Variants in NMNAT2 observed in about 807,000 individuals in gnomAD.
The protein encoded by NMNAT2 is nicotinamide/nicotinic acid mononucleotide adenylyltransferase 2.
In NMNAT2, 11 loss-of-function variants were observed where a neutral mutation model predicts 41.6. That is an observed-to-expected ratio of 0.26 (90% CI 0.17 to 0.44). NMNAT2 has a LOEUF of 0.44. Among genes scored for constraint, NMNAT2 ranks in the 20% least tolerant of loss-of-function variants. NMNAT2 has a pLI of 1.00. For synonymous variants in NMNAT2, 148 were observed against 151.2 expected, an observed-to-expected ratio of 0.98 and a Z score of 0.16; for missense variants, 288 against 407.7, an observed-to-expected ratio of 0.71 and a Z score of 2.53.
intron 1 of NMNAT2, among the ~76,000 whole-genome samples, chr1:183,409,676 T>C (rs1362154101): frequency 6.6e-6 from 1 of 152,178 alleles, no homozygotes; most frequent in East Asian, 1.9e-4. Flanking sequence ...GGATTAGTGC[T>C]AAAAACAAGT....
At chr1:183,296,435 G>C (rs932734946) in intron 1 of NMNAT2, among the ~76,000 whole-genome samples, 2 of 152,072 alleles carry the variant, frequency 1.3e-5, no homozygotes, top group African/African-American at 4.8e-5. Flanking sequence ...GAATGAATGA[G>C]ACTTTCTGTT....
chr1:183,361,473 CT>C (rs1474913268), intron 1 of NMNAT2, among the ~76,000 whole-genome samples: 1 of 152,174 alleles, frequency 6.6e-6, no homozygotes, highest in Admixed American at 6.5e-5. Context: ...AAGACTAATA[CT>C]GCATGAGTGA....
intron 1 of NMNAT2, among the ~76,000 whole-genome samples, chr1:183,376,322 A>T (rs1174969430): frequency 6.6e-6 from 1 of 152,222 alleles, no homozygotes; most frequent in East Asian, 1.9e-4. Context: ...AGGAGTTTAC[A>T]ACAAAAATAT....
At chr1:183,284,103 C>A in intron 6 of NMNAT2, 64 bp from the exon 7 acceptor site, 1 of 1,411,828 alleles carries the variant, frequency 7.1e-7, no homozygotes, top group South Asian at 1.2e-5. Flanking sequence ...AACACACAGT[C>A]TGCCTGAGGG....
Position 183,353,871 on chromosome 1 carries a change from G to C in NMNAT2, c.86-60078C>G, listed in dbSNP as rs191385099. 2.0e-5 allele frequency among the ~76,000 whole-genome samples: 3 copies of C among 152,050 alleles called. No homozygotes were observed. The East Asian group carries it at 5.8e-4, about 29-fold the overall frequency. On this transcript the variant is annotated intron_variant, in intron 1 of 10. Transcript: ENST00000287713. Reference sequence around the variant, plus strand: ...CCTACTTCTACTTGCTTGAGTGAGAGGCCCCAGTGAGATACCTGGGAGTCA... The same window carrying C: ...CCTACTTCTACTTGCTTGAGTGAGACGCCCCAGTGAGATACCTGGGAGTCA...
At chr1:183,345,612 G>C (rs932489055) in intron 1 of NMNAT2, among the ~76,000 whole-genome samples, 10 of 152,136 alleles carry the variant, frequency 6.6e-5, no homozygotes, top group Non-Finnish European at 1.5e-5. Context: ...CCCCCCAGCA[G>C]GAAGGCCCTT....
At chr1:183,362,640 A>G (rs1191527619) in intron 1 of NMNAT2, among the ~76,000 whole-genome samples, 1 of 152,232 alleles carries the variant, frequency 6.6e-6, no homozygotes, top group African/African-American at 2.4e-5. Context: ...ATTCCAGTAT[A>G]TAGATATAGC....
intron 1 of NMNAT2, among the ~76,000 whole-genome samples, chr1:183,352,780 A>G (rs1663092784): frequency 6.6e-6 from 1 of 152,158 alleles, no homozygotes; most frequent in Non-Finnish European, 1.5e-5. Context: ...TGCACTGTGG[A>G]AAAGGCCTCA....
At chr1:183,334,308 C>A (rs12034392) in intron 1 of NMNAT2, among the ~76,000 whole-genome samples, 12,408 of 152,092 alleles carry the variant, frequency 0.082, 527 homozygotes, top group Admixed American at 0.11. Context: ...CTCAGGAGAT[C>A]CATCCGCCTC....
intron 7 of NMNAT2, among the ~76,000 whole-genome samples, chr1:183,279,896 T>C (rs1661215734): frequency 6.6e-6 from 1 of 152,210 alleles, no homozygotes; most frequent in Non-Finnish European, 1.5e-5. Context: ...CCTTTATCTT[T>C]ACAGCCCCAG....
Position 183,252,594 on chromosome 1 carries a change from C to T in NMNAT2, c.*47G>A, listed in dbSNP as rs765865651. Reference sequence around the variant, plus strand: ...AGAGAGGCAGGAGAGAAACAGGGGGCTGACAAAGATGGAGGGGCCATTGTG... The same window carrying T: ...AGAGAGGCAGGAGAGAAACAGGGGGTTGACAAAGATGGAGGGGCCATTGTG... On this transcript the variant is annotated 3_prime_UTR_variant, in exon 11 of 11. Transcript: ENST00000287713. 4 of 1,274,450 alleles carry T rather than the reference C, an allele frequency of 3.1e-6. No individual in the cohort carries two copies. Among genetic ancestry groups the T allele is most frequent in the Non-Finnish European group, 4.6e-6 (4 of 869,570 alleles). The allele number at this position is 1,274,450 out of a possible 1,614,324, so 78.9% of individuals were successfully genotyped here.
intron 1 of NMNAT2, among the ~76,000 whole-genome samples, chr1:183,317,278 G>A (rs951577494): frequency 6.6e-6 from 1 of 152,148 alleles, no homozygotes; most frequent in African/African-American, 2.4e-5. Context: ...CTGACTGATG[G>A]ATTTTTTCTT....
chr1:183,380,306 C>T (rs1422606853), intron 1 of NMNAT2, among the ~76,000 whole-genome samples: 1 of 152,106 alleles, frequency 6.6e-6, no homozygotes, highest in Admixed American at 6.5e-5. Context: ...CCCTTATTTT[C>T]CTTTATCTCA....
At chr1:183,335,232 G>A (rs2102341349) in intron 1 of NMNAT2, among the ~76,000 whole-genome samples, 1 of 152,276 alleles carries the variant, frequency 6.6e-6, no homozygotes, top group Non-Finnish European at 1.5e-5. Context: ...TCCCGTCTCT[G>A]TTAACAGCAA....
rs183156978 is a variant in NMNAT2 at position 183,353,414 on chromosome 1, C to T, written c.86-59621G>A. Among the ~76,000 whole-genome samples the T allele has an allele frequency of 3.9e-4, 60 of 152,238 alleles. 2 individuals carry two copies. In the East Asian group the frequency reaches 0.011, roughly 27 times the overall value. ...TTCATCCTTCTCCTTTTGATATTTT[C>T]TCAAATCAGAAAAGTTGGAAGGTTT... is the stretch of plus-strand genomic sequence containing the variant. On this transcript the variant is annotated intron_variant, in intron 1 of 10. Coordinates refer to ENST00000287713, the MANE Select transcript of NMNAT2 (RefSeq NM_015039.4).
At chr1:183,263,426 C>A (rs1475326202) in intron 8 of NMNAT2, among the ~76,000 whole-genome samples, 7 of 152,210 alleles carry the variant, frequency 4.6e-5, no homozygotes, top group Non-Finnish European at 1.0e-4. Flanking sequence ...CACTAGGACT[C>A]ACTACTTAGA....
intron 1 of NMNAT2, among the ~76,000 whole-genome samples, chr1:183,362,989 G>A (rs1310062227): frequency 6.6e-6 from 1 of 152,072 alleles, no homozygotes; most frequent in Non-Finnish European, 1.5e-5. Context: ...TAGCCATTCT[G>A]GTGGGCGTGA....
intron 8 of NMNAT2, among the ~76,000 whole-genome samples, chr1:183,267,733 G>A (rs1344408110): frequency 6.6e-6 from 1 of 152,182 alleles, no homozygotes; most frequent in East Asian, 1.9e-4. Context: ...CTGCTCGAGG[G>A]GACCAGCACC....
At chr1:183,371,189 T>C (rs1463356924) in intron 1 of NMNAT2, among the ~76,000 whole-genome samples, 5 of 152,040 alleles carry the variant, frequency 3.3e-5, no homozygotes, top group African/African-American at 9.7e-5. Context: ...CCAGAAGAAG[T>C]TGATTACTAA....
Sources: gnomAD v4.1 joint callset for allele counts (sites outside exome capture counted in the v4.1 genomes callset) on GRCh38, gnomAD v4.1.1 for gene constraint, MANE v1.5 for transcripts, NCBI Gene and HGNC (gene_info 2026-07-23, HGNC 2026-07-21) for gene names.